ADGRL2: variants seen among roughly 807,000 people sequenced by gnomAD.
ADGRL2 encodes the protein adhesion G protein-coupled receptor L2, also known as calcium-independent alpha-latrotoxin receptor 2.
A neutral mutation model predicts 157.4 loss-of-function variants in ADGRL2; 44 were observed. That is an observed-to-expected ratio of 0.28 (90% CI 0.22 to 0.36). The LOEUF (loss-of-function observed/expected upper bound fraction) is 0.36. ADGRL2 is among the 10% of genes least tolerant of loss of function. The pLI is 1.00. For synonymous variants in ADGRL2, 585 were observed against 624.7 expected (o/e 0.94, Z 0.95); for missense variants, 1,510 against 1,768.9 (o/e 0.85, Z 2.63).
intron 2 of ADGRL2, among the ~76,000 whole-genome samples, chr1:81,874,012 T>C (rs1265985143): frequency 6.6e-6 from 1 of 152,164 alleles, no homozygotes; most frequent in African/African-American, 2.4e-5. Context: ...CTATGTAATG[T>C]TTAGGGAGTT....
intron 1 of ADGRL2, among the ~76,000 whole-genome samples, chr1:81,419,022 C>A (rs1012439892): frequency 4.6e-5 from 7 of 151,994 alleles, no homozygotes; most frequent in African/African-American, 1.7e-4. Context: ...GGCTAAGAAT[C>A]CAGGAATGCA....
intron 2 of ADGRL2, chr1:81,502,559 G>T (rs1309721495): frequency 8.1e-6 from 13 of 1,613,924 alleles, no homozygotes; most frequent in Non-Finnish European, 1.1e-5. Context: ...GACCGAGAAG[G>T]GGGGCCTGGT....
intron 16 of ADGRL2, 49 bp downstream of exon 16, chr1:81,970,583 A>C: frequency 1.4e-6 from 2 of 1,446,546 alleles, no homozygotes; most frequent in South Asian, 2.3e-5. Context: ...ATAATTTTTT[A>C]AAGCCTGTTA....
intron 2 of ADGRL2, among the ~76,000 whole-genome samples, chr1:81,867,892 A>C (rs954506629): frequency 1.3e-5 from 2 of 151,978 alleles, no homozygotes; most frequent in African/African-American, 2.4e-5. Flanking sequence ...TCTACCTTAC[A>C]GTGTTAGTTG....
intron 2 of ADGRL2, among the ~76,000 whole-genome samples, chr1:81,906,602 A>G (rs1038053268): frequency 6.6e-6 from 1 of 152,110 alleles, no homozygotes; most frequent in Non-Finnish European, 1.5e-5. Flanking sequence ...ATATGTATAC[A>G]TTAAATAAGA....
At chr1:81,767,590 G>T (rs144462230) in intron 2 of ADGRL2, among the ~76,000 whole-genome samples, 3 of 151,972 alleles carry the variant, frequency 2.0e-5, no homozygotes, top group African/African-American at 7.3e-5. Flanking sequence ...ATGAAATTGC[G>T]GCTGGACATG....
At chr1:81,383,808 CA>C (rs56660027) in intron 1 of ADGRL2, among the ~76,000 whole-genome samples, 6,730 of 104,238 alleles carry the variant, frequency 0.065, 174 homozygotes, top group South Asian at 0.074. Flanking sequence ...ACTAAAAATA[CA>C]AAAAAAAAAA....
intron 3 of ADGRL2, among the ~76,000 whole-genome samples, chr1:81,668,111 A>C (rs1299075388): frequency 6.6e-6 from 1 of 152,182 alleles, no homozygotes; most frequent in Non-Finnish European, 1.5e-5. Context: ...TTCACCATGG[A>C]ATGAAGTATT....
intron 1 of ADGRL2, among the ~76,000 whole-genome samples, chr1:81,387,648 G>A (rs2076461407): frequency 6.6e-6 from 1 of 152,060 alleles, no homozygotes; most frequent in African/African-American, 2.4e-5. Flanking sequence ...TATATCCGAA[G>A]TTATTCATCA....
chr1:81,972,969 A>C (rs568812091), intron 17 of ADGRL2, among the ~76,000 whole-genome samples: 1 of 151,668 alleles, frequency 6.6e-6, no homozygotes, highest in East Asian at 1.9e-4. Flanking sequence ...GGTGTTATTA[A>C]CTCTGAAAAG....
intron 1 of ADGRL2, among the ~76,000 whole-genome samples, chr1:81,355,786 C>A (rs546725446): frequency 6.6e-6 from 1 of 152,264 alleles, no homozygotes; most frequent in East Asian, 1.9e-4. Context: ...TTTTATGTGT[C>A]ATTACCAGGA....
intron 2 of ADGRL2, among the ~76,000 whole-genome samples, chr1:81,519,579 T>C (rs944980565): frequency 6.6e-6 from 1 of 152,172 alleles, no homozygotes; most frequent in East Asian, 1.9e-4. Context: ...CTCTCACACA[T>C]CAACTTAATG....
intron 2 of ADGRL2, among the ~76,000 whole-genome samples, chr1:81,770,286 C>A (rs1027376471): frequency 1.3e-5 from 2 of 151,492 alleles, no homozygotes; most frequent in Non-Finnish European, 2.9e-5. Flanking sequence ...CCTCAGCCTC[C>A]CAAGTAGCTG....
chr1:81,734,407 A>G lies in ADGRL2; in HGVS notation c.-142-27404A>G, dbSNP rs892231966. Among the ~76,000 whole-genome samples, 20 of 149,256 alleles carry G rather than the reference A, an allele frequency of 1.3e-4. No individual in the cohort carries two copies. In the South Asian group the frequency reaches 3.9e-3, roughly 29 times the overall value. On this transcript the variant is annotated intron_variant, in intron 1 of 20. Coordinates refer to the ADGRL2 transcript ENST00000359929. ...GCAGAGATTGGAGTGATGCGTCTAC[A>G]AGTCAAGGGAAACCAAGGATTGCTA...
intron 2 of ADGRL2, 48 bp from the exon 3 acceptor site, chr1:81,906,969 A>C: frequency 2.1e-6 from 3 of 1,413,358 alleles, no homozygotes; most frequent in Non-Finnish European, 3.0e-6. Context: ...AAAATAATTT[A>C]TCTTATAAAT....
intron 3 of ADGRL2, among the ~76,000 whole-genome samples, chr1:81,598,123 T>C (rs1265961806): frequency 6.6e-6 from 1 of 152,200 alleles, no homozygotes; most frequent in Non-Finnish European, 1.5e-5. Context: ...AAAAAAGTCC[T>C]CACTCCCAGA....
At chr1:81,377,186 AAAAC>A (rs1418073740) in intron 1 of ADGRL2, among the ~76,000 whole-genome samples, 5 of 151,254 alleles carry the variant, frequency 3.3e-5, no homozygotes, top group African/African-American at 1.2e-4. Context: ...AAGGTAAAAT[AAAAC>A]AAACAACCAA....
chr1:81,892,901 G>A (rs1308997217), intron 2 of ADGRL2, among the ~76,000 whole-genome samples: 5 of 152,108 alleles, frequency 3.3e-5, no homozygotes, highest in African/African-American at 4.8e-5. Flanking sequence ...TGGTAGATCA[G>A]ATTTGAATTC....
chr1:81,614,554 C>A (rs1042282654), intron 3 of ADGRL2, among the ~76,000 whole-genome samples: 4 of 152,116 alleles, frequency 2.6e-5, no homozygotes, highest in Non-Finnish European at 4.4e-5. Flanking sequence ...TGCATTAAGT[C>A]ACAGACATTT....
Sources: gnomAD v4.1 joint callset for allele counts (sites outside exome capture counted in the v4.1 genomes callset) on GRCh38, gnomAD v4.1.1 for gene constraint, MANE v1.5 for transcripts, NCBI Gene and HGNC (gene_info 2026-07-23, HGNC 2026-07-21) for gene names.